Variants in TRAP1 observed in about 807,000 individuals in gnomAD.
TRAP1 encodes the protein heat shock protein 75 kDa, mitochondrial.
Under a neutral mutation model 89.1 loss-of-function variants are expected in TRAP1, and 102 were observed. That is an observed-to-expected ratio of 1.15 (90% CI 0.98 to 1.35). The LOEUF is 1.35. Among genes scored for constraint, TRAP1 ranks in the 40% most tolerant of loss-of-function variants. TRAP1 has a pLI of 0.00. For synonymous variants in TRAP1, 508 were observed against 388.0 expected (o/e 1.31, Z -3.64); for missense variants, 1,256 against 945.3 (o/e 1.33, Z -4.31).
At chr16:3,707,937 T>C (rs1207087840) in intron 1 of TRAP1, among the ~76,000 whole-genome samples, 1 of 151,254 alleles carries the variant, frequency 6.6e-6, no homozygotes, top group African/African-American at 2.4e-5. Flanking sequence ...GTAATCCCAG[T>C]ACTTTGGCAG....
chr16:3,660,516 T>TATC (rs1292551146), intron 16 of TRAP1: 1 of 152,142 alleles, frequency 6.6e-6, no homozygotes, highest in African/African-American at 2.4e-5. Flanking sequence ...CTTCTGCAGC[T>TATC]ATCTCACAAA....
rs995881750 is a variant in TRAP1, at chr16:3,658,187, G to C, written c.2057C>G (p.Pro686Arg). Reference sequence around the variant, plus strand: ...ATTCAAGCGGCCCACCATGGCCCTAGGGTCGTCAACAAGTCCAGCAGCAAT... The same window carrying C: ...ATTCAAGCGGCCCACCATGGCCCTACGGTCGTCAACAAGTCCAGCAGCAAT... ...AMIAAGLVDDPRAMVGRLNEL... is the reference protein window; with the variant it reads ...AMIAAGLVDDRRAMVGRLNEL... The change falls in exon 18 of 18, where the codon CCT becomes CGT. Residue 686 changes from proline (P) to arginine (R), a missense_variant. By Grantham distance (103) the Pro-to-Arg change is moderately radical. Transcript: ENST00000246957. 9 of 1,613,976 alleles carry C rather than the reference G, an allele frequency of 5.6e-6. No individual in the cohort carries two copies. The Middle Eastern group carries it at 6.6e-4, about 118-fold the overall frequency.
chr16:3,664,226 T>A (rs768002695), intron 13 of TRAP1, 48 bp downstream of exon 13: 2 of 1,488,052 alleles, frequency 1.3e-6, no homozygotes, highest in Non-Finnish European at 1.8e-6. Flanking sequence ...GTCAAGACCC[T>A]CCCCAGGTTG....
At chr16:3,679,846 G>C (rs1373527029) in intron 4 of TRAP1, 56 bp from the exon 5 acceptor site, 2 of 1,569,670 alleles carry the variant, frequency 1.3e-6, no homozygotes, top group Non-Finnish European at 1.8e-6. Flanking sequence ...AGCCGGGTGA[G>C]TGCACCAGCA....
At chr16:3,697,253 G>A (rs549333015) in intron 1 of TRAP1, among the ~76,000 whole-genome samples, 5 of 152,218 alleles carry the variant, frequency 3.3e-5, no homozygotes, top group Non-Finnish European at 4.4e-5. Flanking sequence ...GCACTGTCCC[G>A]TATTTTTAAA....
intron 1 of TRAP1, among the ~76,000 whole-genome samples, chr16:3,705,704 G>C (rs2051433422): frequency 1.3e-5 from 2 of 152,118 alleles, no homozygotes; most frequent in African/African-American, 2.4e-5. Flanking sequence ...TTGTGAGACA[G>C]AGTTTCACTC....
intron 1 of TRAP1, among the ~76,000 whole-genome samples, chr16:3,711,734 C>A (rs1189625108): frequency 6.6e-6 from 1 of 152,096 alleles, no homozygotes; most frequent in Non-Finnish European, 1.5e-5. Context: ...GCAGAAATAA[C>A]CAGCCACACC....
chr16:3,686,346 G>A (rs1161020508), intron 3 of TRAP1, among the ~76,000 whole-genome samples: 2 of 152,170 alleles, frequency 1.3e-5, no homozygotes, highest in African/African-American at 2.4e-5. Flanking sequence ...GGATTTCTTT[G>A]AGAGTCTCAC....
chr16:3,684,060 G>T (rs925900401), intron 4 of TRAP1, among the ~76,000 whole-genome samples: 1 of 152,010 alleles, frequency 6.6e-6, no homozygotes, highest in Non-Finnish European at 1.5e-5. Flanking sequence ...CAGCTACTTG[G>T]GGGGCTGAGG....
chr16:3,693,264 T>C (rs2051240868), intron 1 of TRAP1, among the ~76,000 whole-genome samples: 1 of 152,138 alleles, frequency 6.6e-6, no homozygotes, highest in Non-Finnish European at 1.5e-5. Context: ...TAGCCTGTCT[T>C]TATCTCTATG....
At chr16:3,670,534 CTACAAAAAAA>C (rs1046560978) in intron 11 of TRAP1, among the ~76,000 whole-genome samples, 9 of 151,798 alleles carry the variant, frequency 5.9e-5, no homozygotes, top group South Asian at 2.1e-4. Context: ...GATCCCAACT[CTACAAAAAAA>C]TACAAAAAAA....
At chr16:3,684,198 G>C (rs768046832) in intron 4 of TRAP1, among the ~76,000 whole-genome samples, 7 of 151,788 alleles carry the variant, frequency 4.6e-5, no homozygotes, top group Non-Finnish European at 8.8e-5. Context: ...AATTTGTGAG[G>C]GTTTACAACA....
rs544739973 is a variant in TRAP1 at position 3,683,100 on chromosome 16, C to T, written c.471+2896G>A. The stretch of plus-strand genomic sequence containing the variant: ...AAGAGAATTGCTTGAACCCGGGAGG[C>T]GGAGGTTGCAGTGAGCTGAAATCAC... On this transcript the variant is annotated intron_variant, in intron 4 of 17. Transcript: ENST00000246957. Among the ~76,000 whole-genome samples, 18 of 151,438 alleles carry T rather than the reference C, an allele frequency of 1.2e-4. No homozygotes were observed. In the East Asian group the frequency reaches 1.2e-3, roughly 10 times the overall value.
At chr16:3,711,998 A>T (rs2051537716) in intron 1 of TRAP1, among the ~76,000 whole-genome samples, 1 of 152,110 alleles carries the variant, frequency 6.6e-6, no homozygotes. Context: ...CGCTATCAAG[A>T]TTCTTTGTCA....
chr16:3,678,981 G>C (rs1035530381), intron 5 of TRAP1, among the ~76,000 whole-genome samples: 1 of 152,184 alleles, frequency 6.6e-6, no homozygotes, highest in Non-Finnish European at 1.5e-5. Context: ...GATGAGAACG[G>C]GCTTGGGATG....
At chr16:3,663,658 C>A (rs755276469) in intron 13 of TRAP1, 96 bp from the exon 14 acceptor site, 3 of 1,520,986 alleles carry the variant, frequency 2.0e-6, no homozygotes, top group South Asian at 1.2e-5. Context: ...GGGAGCCAAG[C>A]GGGCCACACT....
At chr16:3,676,204 T>A in intron 6 of TRAP1, 59 bp from the exon 7 acceptor site, 9 of 1,481,764 alleles carry the variant, frequency 6.1e-6, no homozygotes, top group Non-Finnish European at 8.4e-6. Flanking sequence ...ATACCCTGCA[T>A]GGGACTCCAG....
intron 3 of TRAP1, 122 bp downstream of exon 3, chr16:3,688,933 G>A (rs569588457): frequency 3.4e-6 from 3 of 882,692 alleles, no homozygotes; most frequent in East Asian, 2.6e-5. Context: ...ATGAGGACCT[G>A]TCCAAAGTTT....
Position 3,677,932 on chromosome 16 carries a change from G to A in TRAP1, c.544-274C>T, listed in dbSNP as rs977968389. ...GCCTGTCCCAGACAGGTGGAGGCCT[G>A]TGGGTCACACCTGGGGGTGGGGAAA... On this transcript the variant is annotated intron_variant, in intron 5 of 17. Transcript: ENST00000246957. 2.6e-4 allele frequency: 105 copies of A among 406,586 alleles called. 1 individual carries two copies. In the East Asian group the frequency reaches 5.2e-3, roughly 20 times the overall value. The allele number at this position is 406,586 out of a possible 1,614,324, so 25.2% of individuals were successfully genotyped here.
Sources: gnomAD v4.1 joint callset for allele counts (sites outside exome capture counted in the v4.1 genomes callset) on GRCh38, gnomAD v4.1.1 for gene constraint, MANE v1.5 for transcripts, NCBI Gene and HGNC (gene_info 2026-07-23, HGNC 2026-07-21) for gene names.